The following SALL3 variants were observed in gnomAD, a reference collection of about 807,000 sequenced individuals.
The protein encoded by SALL3 is spalt like transcription factor 3.
A neutral mutation model predicts 66.2 loss-of-function variants in SALL3; 25 were observed. The ratio of observed to expected loss-of-function variants is 0.38; its 90% confidence interval spans 0.28 to 0.53. The LOEUF is 0.53. Among genes scored for constraint, SALL3 ranks in the 20% least tolerant of loss-of-function variants. The pLI is 0.85. For synonymous variants in SALL3, 1,152 were observed against 899.1 expected, an observed-to-expected ratio of 1.28 and a Z score of -5.03; for missense variants, 2,194 against 1,916.5, an observed-to-expected ratio of 1.14 and a Z score of -2.70.
At chr18:78,982,157 C>T (rs1186888978) in intron 1 of SALL3, among the ~76,000 whole-genome samples, 5 of 152,236 alleles carry the variant, frequency 3.3e-5, no homozygotes, top group African/African-American at 1.2e-4. Context: ...GAAATGTGAG[C>T]ATGCTGAACT....
chr18:78,985,393 G>T (rs1914212745), intron 1 of SALL3, among the ~76,000 whole-genome samples: 1 of 152,198 alleles, frequency 6.6e-6, no homozygotes, highest in Non-Finnish European at 1.5e-5. Context: ...AATTAACCCT[G>T]CAGGTGCCGC....
chr18:78,998,691 C>T lies in SALL3; in HGVS notation c.*1369C>T, dbSNP rs1914780700. 6.6e-6 allele frequency: 1 copy of T among 152,200 alleles called. No individual in the cohort carries two copies. The highest frequency in any genetic ancestry group is 2.1e-4 in the South Asian group (1 of 4,824). 9.4% of individuals were successfully genotyped at this position (152,200 alleles called of 1,614,324 possible). On this transcript the variant is annotated 3_prime_UTR_variant, in exon 3 of 3. Coordinates refer to ENST00000537592, the MANE Select transcript of SALL3 (RefSeq NM_171999.4). ...GCACTGGTCACATGTACAGTAAACC[C>T]AAGAGAAATGGCAAGTATCAGGCAG... is the stretch of plus-strand genomic sequence containing the variant.
intron 1 of SALL3, among the ~76,000 whole-genome samples, chr18:78,981,605 A>T (rs558367205): frequency 6.6e-6 from 1 of 152,212 alleles, no homozygotes; most frequent in Non-Finnish European, 1.5e-5. Context: ...TGAATTAAAT[A>T]AAATTAGTGA....
In SALL3 at chr18:78,992,885, C is replaced by T. The variant is rs996356746; in HGVS notation, c.894C>T (p.Gly298=). The part of the protein sequence containing the change: ...GAQPLSRPES[G]ASTPGGPAEP... Reference sequence around the variant, plus strand: ...AGCCGCTGTCCCGGCCCGAGTCTGGCGCCAGCACCCCCGGCGGCCCTGCGG... The same window carrying T: ...AGCCGCTGTCCCGGCCCGAGTCTGGTGCCAGCACCCCCGGCGGCCCTGCGG... Residue 298 remains glycine (G), a synonymous_variant, in exon 2 of 3, where the codon GGC becomes GGT. Transcript: ENST00000537592. 33 of 985,602 alleles carry T rather than the reference C, an allele frequency of 3.3e-5. No homozygotes were observed. The highest frequency in any genetic ancestry group is 8.8e-5 in the African/African-American group (5 of 56,566). The allele number at this position is 985,602 out of a possible 1,614,324, so 61.1% of individuals were successfully genotyped here. A position where few individuals can be genotyped will look rare whatever the true frequency, so the allele number is the denominator to read the frequency against.
chr18:78,993,705 C>G lies in SALL3; in HGVS notation c.1714C>G (p.His572Asp). The G allele has an allele frequency of 6.4e-7, 1 of 1,567,422 alleles. No homozygotes were observed. The highest frequency in any genetic ancestry group is 8.6e-7 in the Non-Finnish European group (1 of 1,164,758). Residue 572 changes from histidine to aspartate, a missense_variant, in exon 2 of 3, where the codon CAC becomes GAC. Coordinates refer to ENST00000537592, the MANE Select transcript of SALL3 (RefSeq NM_171999.4). ...CGCCTCCTTGTCCCCAGGCCTCAACCACGTGGAGTCCGGCGTGTCGGCCAC... is the reference window on the plus strand; with the variant it reads ...CGCCTCCTTGTCCCCAGGCCTCAACGACGTGGAGTCCGGCGTGTCGGCCAC... ...ECASLSPGLNHVESGVSATAE... is the reference protein window; with the variant it reads ...ECASLSPGLNDVESGVSATAE...
intron 1 of SALL3, among the ~76,000 whole-genome samples, chr18:78,990,276 G>A (rs1914384291): frequency 6.6e-6 from 1 of 152,202 alleles, no homozygotes; most frequent in African/African-American, 2.4e-5. Flanking sequence ...ACCTCTTGCT[G>A]CAGTCTGGTC....
chr18:78,995,678 ATGTG>A (rs1163176282), intron 2 of SALL3, among the ~76,000 whole-genome samples: 1 of 126,666 alleles, frequency 7.9e-6, no homozygotes, highest in Non-Finnish European at 1.6e-5. Context: ...GCGTGTACCT[ATGTG>A]TGTGCAGGTG....
chr18:78,980,566 A>G (rs1480465453), intron 1 of SALL3, among the ~76,000 whole-genome samples: 3 of 151,666 alleles, frequency 2.0e-5, no homozygotes, highest in African/African-American at 4.8e-5. Flanking sequence ...TTGTGGGCGA[A>G]GTAAACTTGG....
intron 1 of SALL3, among the ~76,000 whole-genome samples, chr18:78,989,293 T>TA (rs892933858): frequency 6.6e-6 from 1 of 151,980 alleles, no homozygotes; most frequent in Non-Finnish European, 1.5e-5. Context: ...TTAACATATT[T>TA]AAAAAAAACT....
rs762052260 is a variant in SALL3, at chr18:78,992,081, G to A, written c.90G>A (p.Pro30=). ...PPDGAPEHAA[P]GEGAEDADSG... is the part of the protein sequence containing the mutation. Reference sequence around the variant, plus strand: ...ACTCTCTTGGTCTTGCAGCCGCCCCGGGGGAAGGTGCGGAGGACGCAGACA... The same window carrying A: ...ACTCTCTTGGTCTTGCAGCCGCCCCAGGGGAAGGTGCGGAGGACGCAGACA... The change falls in exon 2 of 3, where the codon CCG becomes CCA. Residue 30 remains proline (P), a synonymous_variant. Transcript: ENST00000537592. 19 of 1,511,278 alleles carry A rather than the reference G, an allele frequency of 1.3e-5. No homozygotes were observed. In the Admixed American group the frequency reaches 1.3e-4, roughly 10 times the overall value. The allele number at this position is 1,511,278 out of a possible 1,614,324, so 93.6% of individuals were successfully genotyped here. A position where few individuals can be genotyped will look rare whatever the true frequency, so the allele number is the denominator to read the frequency against.
chr18:78,993,290 C>T lies in SALL3; in HGVS notation c.1299C>T (p.Ser433=), dbSNP rs953044419. The change falls in exon 2 of 3, where the codon AGC becomes AGT. Residue 433 remains serine (S), a synonymous_variant. Transcript: ENST00000537592. ...GCGCCAAGGTCTTCGGCAGCGACAG[C>T]GCGCTCCAGATCCACCTGCGCTCGC... ...RFCAKVFGSD[S]ALQIHLRSHT... 3 of 1,611,100 alleles carry T rather than the reference C, an allele frequency of 1.9e-6. No individual in the cohort carries two copies. The African/African-American group carries it at 4.0e-5, about 22-fold the overall frequency.
chr18:78,991,420 G>A (rs1391929250), intron 1 of SALL3, among the ~76,000 whole-genome samples: 1 of 151,456 alleles, frequency 6.6e-6, no homozygotes, highest in Non-Finnish European at 1.5e-5. Flanking sequence ...CTGAGTTGGC[G>A]GAGATTGTTT....
chr18:78,985,654 G>C (rs926367453), intron 1 of SALL3, among the ~76,000 whole-genome samples: 3 of 152,204 alleles, frequency 2.0e-5, no homozygotes, highest in Non-Finnish European at 4.4e-5. Flanking sequence ...CGGGCTGATG[G>C]TCACAGCTGA....
At chr18:78,992,044 C>T (rs1286406843) in intron 1 of SALL3, 30 bp from the exon 2 acceptor site, 1 of 1,393,610 alleles carries the variant, frequency 7.2e-7, no homozygotes, top group Non-Finnish European at 9.3e-7. Context: ...GGCGCCGAGC[C>T]CCGGCTGACT....
chr18:78,995,304 C>A lies in SALL3; in HGVS notation c.3313C>A (p.Pro1105Thr), dbSNP rs745471209. The change falls in exon 2 of 3, where the codon CCA (proline) becomes ACA (threonine). Residue 1105 changes from proline (P) to threonine (T), a missense_variant. Physicochemically the swap from Pro to Thr is conservative, Grantham distance 38 (BLOSUM62 -1). Transcript: ENST00000537592. ...GGGCCTGGCGCCCATGCTGGCCCCC[C>A]CACCGCGCCGGACGCCCAAGCAGCA... ...GPGLAPMLAP[P>T]PRRTPKQHNC... 17 of 1,572,376 alleles carry A rather than the reference C, an allele frequency of 1.1e-5. No individual in the cohort carries two copies. Among genetic ancestry groups the A allele is most frequent in the Non-Finnish European group, 1.5e-5 (17 of 1,164,544 alleles).
intron 1 of SALL3, among the ~76,000 whole-genome samples, chr18:78,981,158 G>A (rs1043245054): frequency 6.6e-6 from 1 of 152,236 alleles, no homozygotes; most frequent in Non-Finnish European, 1.5e-5. Context: ...CAGGCGCCGC[G>A]AAAGTTAAGA....
chr18:78,997,496 G>A lies in SALL3; in HGVS notation c.*174G>A. 1.6e-6 allele frequency: 1 copy of A among 624,806 alleles called. No homozygotes were observed. The highest frequency in any genetic ancestry group is 3.0e-5 in the Admixed American group (1 of 33,462). 38.7% of individuals were successfully genotyped at this position (624,806 alleles called of 1,614,324 possible). Reference sequence around the variant, plus strand: ...TGCATGGCGCTCCCTTCAACAGCAAGCCTGACTGTTCTCGAGAACTCTGCA... The same window carrying A: ...TGCATGGCGCTCCCTTCAACAGCAAACCTGACTGTTCTCGAGAACTCTGCA... On this transcript the variant is annotated 3_prime_UTR_variant, in exon 3 of 3. Transcript: ENST00000537592.
rs1007612113 is a variant in SALL3 at position 78,997,633 on chromosome 18, C to T, written c.*311C>T. The T allele has an allele frequency of 1.8e-5, 7 of 388,244 alleles. No homozygotes were observed. Among genetic ancestry groups the T allele is most frequent in the Non-Finnish European group, 3.2e-5 (7 of 217,640 alleles). 24.0% of individuals were successfully genotyped at this position (388,244 alleles called of 1,614,324 possible). On this transcript the variant is annotated 3_prime_UTR_variant, in exon 3 of 3. Transcript: ENST00000537592. The stretch of plus-strand genomic sequence containing the variant: ...TTCTCCTGAAACCTAATAATCTCTC[C>T]GAGGGAGAAAGGGGTTCTCTGCGGT...
At chr18:78,982,686 T>G (rs1008160922) in intron 1 of SALL3, among the ~76,000 whole-genome samples, 3 of 152,056 alleles carry the variant, frequency 2.0e-5, no homozygotes, top group African/African-American at 7.2e-5. Context: ...CTGAGTCAGA[T>G]CTCCTCAAAA....
Sources: gnomAD v4.1 joint callset for allele counts (sites outside exome capture counted in the v4.1 genomes callset) on GRCh38, gnomAD v4.1.1 for gene constraint, MANE v1.5 for transcripts, NCBI Gene and HGNC (gene_info 2026-07-23, HGNC 2026-07-21) for gene names.